PPTC7: variants seen among roughly 807,000 people sequenced by gnomAD.
PPTC7 encodes the protein protein phosphatase targeting COQ7.
In PPTC7, 6 loss-of-function variants were observed where a neutral mutation model predicts 30.8. The ratio of observed to expected loss-of-function variants is 0.19; its 90% confidence interval spans 0.11 to 0.38. The LOEUF is 0.38. Ranked by LOEUF, PPTC7 falls within the 10% of genes least tolerant of loss-of-function variation. PPTC7 has a pLI of 1.00. For missense variants in PPTC7, 218 were observed against 404.8 expected, an observed-to-expected ratio of 0.54 and a Z score of 3.96; for synonymous variants, 163 against 168.1, an observed-to-expected ratio of 0.97 and a Z score of 0.23.
Position 110,550,316 on chromosome 12 carries a change from C to T in PPTC7, c.403+1473G>A, listed in dbSNP as rs537381180. 1.6e-4 allele frequency among the ~76,000 whole-genome samples: 24 copies of T among 150,476 alleles called. No individual in the cohort carries two copies. In the East Asian group the frequency reaches 3.3e-3, roughly 21 times the overall value. ...CGCGATTTTGGCTCACTGCAAGCTC[C>T]GCCTCCCAGGTTCACACCATTCTCT... On this transcript the variant is annotated intron_variant, in intron 2 of 5. Transcript: ENST00000354300.
chr12:110,567,862 T>C (rs192271093), intron 1 of PPTC7, among the ~76,000 whole-genome samples: 20 of 152,312 alleles, frequency 1.3e-4, no homozygotes, highest in Non-Finnish European at 2.2e-4. Flanking sequence ...ACTTTGTAGC[T>C]TGGAGACAAG....
intron 5 of PPTC7, among the ~76,000 whole-genome samples, chr12:110,537,433 G>C (rs1042692521): frequency 2.0e-5 from 3 of 152,084 alleles, no homozygotes; most frequent in Non-Finnish European, 4.4e-5. Flanking sequence ...TCCTAATTTA[G>C]ACAGACATAT....
At chr12:110,566,076 T>A (rs2064480537) in intron 1 of PPTC7, among the ~76,000 whole-genome samples, 1 of 152,126 alleles carries the variant, frequency 6.6e-6, no homozygotes, top group African/African-American at 2.4e-5. Flanking sequence ...AAACTTGACC[T>A]CCAGGTAAAT....
Position 110,533,862 on chromosome 12 carries a change from G to A in PPTC7, c.*3175C>T, listed in dbSNP as rs2064194738. 6.6e-6 allele frequency: 1 copy of A among 151,990 alleles called. No individual in the cohort carries two copies. The highest frequency in any genetic ancestry group is 1.5e-5 in the Non-Finnish European group (1 of 68,004). 9.4% of individuals were successfully genotyped at this position (151,990 alleles called of 1,614,324 possible). A position where few individuals can be genotyped will look rare whatever the true frequency, so the allele number is the denominator to read the frequency against. On this transcript the variant is annotated 3_prime_UTR_variant, in exon 6 of 6. Coordinates refer to ENST00000354300, the MANE Select transcript of PPTC7 (RefSeq NM_139283.2). ...GGTACTGAAGGTGGTTTCCATCTCC[G>A]GGCTACTGTCCTATCCAGAACACAC...
chr12:110,572,824 T>C (rs2064550047), intron 1 of PPTC7, among the ~76,000 whole-genome samples: 1 of 152,206 alleles, frequency 6.6e-6, no homozygotes, highest in African/African-American at 2.4e-5. Flanking sequence ...GTTGGGAAAG[T>C]AATATATAAC....
intron 1 of PPTC7, among the ~76,000 whole-genome samples, chr12:110,570,491 G>A (rs28858748): frequency 4.7e-5 from 1 of 21,358 alleles, no homozygotes; most frequent in Non-Finnish European, 9.0e-5. Flanking sequence ...AGTAAAAGAG[G>A]AAGGAATGCC....
At chr12:110,541,525 C>A (rs1236996644) in intron 3 of PPTC7, among the ~76,000 whole-genome samples, 1 of 150,688 alleles carries the variant, frequency 6.6e-6, no homozygotes, top group Non-Finnish European at 1.5e-5. Flanking sequence ...CTGGTTAAAA[C>A]CCGTTTCTAC....
At chr12:110,562,199 C>A in intron 1 of PPTC7, among the ~76,000 whole-genome samples, 1 of 136,382 alleles carries the variant, frequency 7.3e-6, no homozygotes, top group East Asian at 2.4e-4. Context: ...GCAGGAGAAT[C>A]GTTTGAACCC....
chr12:110,552,891 C>A (rs1387487698), intron 1 of PPTC7, among the ~76,000 whole-genome samples: 1 of 151,930 alleles, frequency 6.6e-6, no homozygotes, highest in Admixed American at 6.6e-5. Context: ...AACAAAACCA[C>A]ACACAGTGGA....
chr12:110,570,811 G>A (rs1195106292), intron 1 of PPTC7, among the ~76,000 whole-genome samples: 2 of 150,700 alleles, frequency 1.3e-5, no homozygotes, highest in Non-Finnish European at 3.0e-5. Flanking sequence ...CCCTCTTTGA[G>A]AAACACCCAC....
intron 1 of PPTC7, among the ~76,000 whole-genome samples, chr12:110,562,090 T>C (rs1398124257): frequency 6.6e-6 from 1 of 151,810 alleles, no homozygotes; most frequent in Non-Finnish European, 1.5e-5. Context: ...CAATCCAGTC[T>C]GGGTGAAAGA....
At position 110,539,937 on chromosome 12, in the gene PPTC7, G is replaced by A. The variant is rs749887221; in HGVS notation, c.611C>T (p.Ala204Val). The A allele has an allele frequency of 1.7e-5, 27 of 1,613,922 alleles. No homozygotes were observed. Among genetic ancestry groups the A allele is most frequent in the Non-Finnish European group, 2.2e-5 (26 of 1,179,890 alleles). The change falls in exon 4 of 6, where the codon GCT becomes GTT. Residue 204 changes from alanine to valine, a missense_variant. Ala to Val is a moderately conservative substitution (Grantham distance 64, BLOSUM62 0). Transcript: ENST00000354300. The stretch of plus-strand genomic sequence containing the variant: ...GACATCGAAAGACGTGCTATCAGCA[G>A]CATCCGGACTGTGGCAAGGACAGGG... ...EGVVLSDSPD[A>V]ADSTSFDVQL...
chr12:110,571,053 G>A (rs1360690881), intron 1 of PPTC7, among the ~76,000 whole-genome samples: 1 of 152,288 alleles, frequency 6.6e-6, no homozygotes, highest in East Asian at 1.9e-4. Context: ...GTACGCTCGA[G>A]CGTGGTCATT....
At chr12:110,572,203 T>C (rs1025519495) in intron 1 of PPTC7, among the ~76,000 whole-genome samples, 1 of 152,180 alleles carries the variant, frequency 6.6e-6, no homozygotes, top group Admixed American at 6.5e-5. Flanking sequence ...CTCAGAAGTT[T>C]AGGAGGCCAA....
intron 2 of PPTC7, among the ~76,000 whole-genome samples, chr12:110,548,630 T>G (rs566535558): frequency 6.6e-6 from 1 of 152,286 alleles, no homozygotes; most frequent in South Asian, 2.1e-4. Flanking sequence ...GGGATTATAT[T>G]CTGAGAAAGA....
At chr12:110,572,038 C>T (rs2064540991) in intron 1 of PPTC7, among the ~76,000 whole-genome samples, 1 of 152,216 alleles carries the variant, frequency 6.6e-6, no homozygotes, top group Non-Finnish European at 1.5e-5. Flanking sequence ...AACAGAAGCA[C>T]TTTTTGTTTG....
At chr12:110,566,153 C>T (rs1345526122) in intron 1 of PPTC7, among the ~76,000 whole-genome samples, 2 of 17,468 alleles carry the variant, frequency 1.1e-4, no homozygotes, top group South Asian at 2.7e-3. Context: ...GCAGAGCTTA[C>T]GGCATTTAGG....
chr12:110,552,420 T>A lies in PPTC7; in HGVS notation c.224-452A>T, dbSNP rs535034891. Among the ~76,000 whole-genome samples, 7 of 152,300 alleles carry A rather than the reference T, an allele frequency of 4.6e-5. No homozygotes were observed. The East Asian group carries it at 1.4e-3, about 29-fold the overall frequency. ...TTAACTCCAAACATTGGTCAATCGCTGGGAAATAAAGAACAAAACTGAGAA... is the reference window on the plus strand; with the variant it reads ...TTAACTCCAAACATTGGTCAATCGCAGGGAAATAAAGAACAAAACTGAGAA... On this transcript the variant is annotated intron_variant, in intron 1 of 5. Coordinates refer to ENST00000354300, the MANE Select transcript of PPTC7 (RefSeq NM_139283.2).
chr12:110,567,915 T>G (rs1486805439), intron 1 of PPTC7, among the ~76,000 whole-genome samples: 1 of 152,118 alleles, frequency 6.6e-6, no homozygotes, highest in East Asian at 1.9e-4. Context: ...CTGAACACCT[T>G]TTAAATTCTG....
Sources: gnomAD v4.1 joint callset for allele counts (sites outside exome capture counted in the v4.1 genomes callset) on GRCh38, gnomAD v4.1.1 for gene constraint, MANE v1.5 for transcripts, NCBI Gene and HGNC (gene_info 2026-07-23, HGNC 2026-07-21) for gene names.